The following GMDS variants were observed in gnomAD, a reference collection of about 807,000 sequenced individuals.
GMDS encodes GDP-mannose 4,6-dehydratase.
A neutral mutation model predicts 49.9 loss-of-function variants in GMDS; 20 were observed. The observed-to-expected ratio is 0.40, with a 90% confidence interval of 0.28 to 0.58. The LOEUF (loss-of-function observed/expected upper bound fraction) is 0.58, where lower values mean the gene tolerates loss of function less well. Among genes scored for constraint, GMDS ranks in the 20% least tolerant of loss-of-function variants. The pLI, the probability that GMDS is intolerant of heterozygous loss-of-function variation, is 0.42. For missense variants in GMDS, 362 were observed against 481.4 expected, an observed-to-expected ratio of 0.75 and a Z score of 2.32; for synonymous variants, 177 against 178.6, an observed-to-expected ratio of 0.99 and a Z score of 0.07.
chr6:2,141,012 G>A (rs1776258485), intron 1 of GMDS, among the ~76,000 whole-genome samples: 1 of 152,160 alleles, frequency 6.6e-6, no homozygotes, highest in Admixed American at 6.6e-5. Flanking sequence ...TGTGACGAGT[G>A]AGAAATGACA....
rs374596998 is a variant in GMDS at position 2,245,394 on chromosome 6, C to G, written c.29G>C (p.Ser10Thr). The change falls in exon 1 of 11, where the codon AGC (serine) becomes ACC (threonine). Residue 10 changes from serine to threonine, a missense_variant. Physicochemically the swap from Ser to Thr is moderately conservative, Grantham distance 58. Coordinates refer to ENST00000380815, the MANE Select transcript of GMDS (RefSeq NM_001500.4). The part of the protein sequence containing the change: MAHAPARCP[S>T]ARGSGDGEMG... ...CTCGCCGTCCCCGGAGCCCCGGGCG[C>G]TGGGGCAGCGTGCCGGTGCGTGTGC... The G allele has an allele frequency of 2.6e-6, 4 of 1,539,354 alleles. No individual in the cohort carries two copies. In the African/African-American group the frequency reaches 4.2e-5, roughly 16 times the overall value.
intron 4 of GMDS, among the ~76,000 whole-genome samples, chr6:2,068,633 G>C (rs1316093002): frequency 6.6e-6 from 1 of 152,034 alleles, no homozygotes; most frequent in Non-Finnish European, 1.5e-5. Context: ...CAGACAAACA[G>C]AGAGCCAAAT....
At chr6:1,936,221 A>T (rs935697476) in intron 6 of GMDS, among the ~76,000 whole-genome samples, 1 of 152,228 alleles carries the variant, frequency 6.6e-6, no homozygotes, top group African/African-American at 2.4e-5. Flanking sequence ...CACTAAGAAT[A>T]AAATATCATG....
At chr6:1,945,233 T>A (rs1354279897) in intron 6 of GMDS, among the ~76,000 whole-genome samples, 2 of 151,972 alleles carry the variant, frequency 1.3e-5, no homozygotes, top group African/African-American at 4.8e-5. Context: ...TCTGCTTGAA[T>A]CATATCTATA....
chr6:1,932,120 A>C (rs1762314626), intron 6 of GMDS, among the ~76,000 whole-genome samples: 1 of 152,186 alleles, frequency 6.6e-6, no homozygotes, highest in Non-Finnish European at 1.5e-5. Context: ...GAGGTCATGA[A>C]GGGACTCATC....
intron 9 of GMDS, among the ~76,000 whole-genome samples, chr6:1,637,927 T>C (rs2113172402): frequency 1.3e-5 from 2 of 152,296 alleles, no homozygotes; most frequent in Middle Eastern, 3.4e-3. Flanking sequence ...AACCCAGGCT[T>C]ATCTGACTCC....
At chr6:1,735,668 C>T (rs1424259570) in intron 8 of GMDS, among the ~76,000 whole-genome samples, 1 of 152,144 alleles carries the variant, frequency 6.6e-6, no homozygotes, top group Non-Finnish European at 1.5e-5. Flanking sequence ...GCCCTCCCAC[C>T]CACCTGGAAT....
intron 7 of GMDS, among the ~76,000 whole-genome samples, chr6:1,870,568 A>G (rs768014681): frequency 6.6e-6 from 1 of 152,168 alleles, no homozygotes; most frequent in Non-Finnish European, 1.5e-5. Context: ...CTGTGTGAGT[A>G]CAGTCTCAGC....
chr6:2,153,433 A>T (rs1354815025), intron 1 of GMDS, among the ~76,000 whole-genome samples: 1 of 152,190 alleles, frequency 6.6e-6, no homozygotes, highest in Non-Finnish European at 1.5e-5. Context: ...AAAATTTATG[A>T]ATATAACAAA....
intron 7 of GMDS, among the ~76,000 whole-genome samples, chr6:1,880,849 T>C (rs1001412422): frequency 1.5e-4 from 23 of 152,286 alleles, no homozygotes; most frequent in African/African-American, 5.3e-4. Flanking sequence ...CTACCCATTA[T>C]AATATCTCCA....
At chr6:2,049,830 T>G (rs1463547426) in intron 4 of GMDS, among the ~76,000 whole-genome samples, 1 of 152,136 alleles carries the variant, frequency 6.6e-6, no homozygotes, top group African/African-American at 2.4e-5. Flanking sequence ...TTGAAACCAA[T>G]GAGAACAAAG....
chr6:1,875,654 A>G (rs528712632), intron 7 of GMDS, among the ~76,000 whole-genome samples: 2 of 152,318 alleles, frequency 1.3e-5, no homozygotes, highest in Admixed American at 6.5e-5. Context: ...ATACTGCCAA[A>G]TATTTTCACA....
At chr6:2,185,120 C>T (rs750096365) in intron 1 of GMDS, among the ~76,000 whole-genome samples, 3 of 152,226 alleles carry the variant, frequency 2.0e-5, no homozygotes, top group African/African-American at 4.8e-5. Context: ...TTTGACTCCA[C>T]GGTTTTTCCT....
At chr6:1,659,965 C>T (rs1278103484) in intron 9 of GMDS, among the ~76,000 whole-genome samples, 1 of 151,790 alleles carries the variant, frequency 6.6e-6, no homozygotes, top group East Asian at 1.9e-4. Context: ...AACCTGGGCT[C>T]CCTGTGGTGC....
At chr6:1,660,000 C>G (rs929252258) in intron 9 of GMDS, among the ~76,000 whole-genome samples, 12 of 151,872 alleles carry the variant, frequency 7.9e-5, no homozygotes, top group Non-Finnish European at 7.4e-5. Flanking sequence ...TCTCGGTGGC[C>G]TAGACTCCAA....
chr6:2,076,170 A>G (rs1402171824), intron 4 of GMDS, among the ~76,000 whole-genome samples: 3 of 152,176 alleles, frequency 2.0e-5, no homozygotes, highest in Non-Finnish European at 4.4e-5. Context: ...TCAGATGCGT[A>G]GATTGCAAAA....
chr6:1,673,473 C>G (rs1027484183), intron 9 of GMDS, among the ~76,000 whole-genome samples: 5 of 152,092 alleles, frequency 3.3e-5, no homozygotes, highest in Non-Finnish European at 7.4e-5. Flanking sequence ...TCCTCCACCC[C>G]ACTCTTGCAC....
chr6:1,979,621 T>C (rs1056346930), intron 4 of GMDS, among the ~76,000 whole-genome samples: 7 of 152,206 alleles, frequency 4.6e-5, no homozygotes, highest in Non-Finnish European at 7.3e-5. Context: ...GAAAATATAC[T>C]TCAGGTTATC....
chr6:2,084,469 C>T (rs1772892003), intron 4 of GMDS, among the ~76,000 whole-genome samples: 1 of 152,264 alleles, frequency 6.6e-6, no homozygotes, highest in South Asian at 2.1e-4. Context: ...CTTCATTTCA[C>T]AGCAAGCAGC....
Sources: gnomAD v4.1 joint callset for allele counts (sites outside exome capture counted in the v4.1 genomes callset) on GRCh38, gnomAD v4.1.1 for gene constraint, MANE v1.5 for transcripts, NCBI Gene and HGNC (gene_info 2026-07-23, HGNC 2026-07-21) for gene names.